The following VPS13D variants were observed in gnomAD, a reference collection of about 807,000 sequenced individuals.
The protein encoded by VPS13D is intermembrane lipid transfer protein VPS13D.
VPS13D carries 187 observed loss-of-function variants against 461.9 expected under a neutral mutation model. The observed-to-expected ratio is 0.40, with a 90% CI of 0.36 to 0.46. The LOEUF (loss-of-function observed/expected upper bound fraction) is 0.46, where lower values mean the gene tolerates loss of function less well. Among genes scored for constraint, VPS13D ranks in the 20% least tolerant of loss-of-function variants. The probability of loss-of-function intolerance (pLI) is 0.60; values close to 1 mark genes in which losing one functional copy is unlikely to be tolerated. For synonymous variants in VPS13D, 1,951 were observed against 1,986.3 expected, an observed-to-expected ratio of 0.98 and a Z score of 0.47; for missense variants, 4,711 against 5,364.9, an observed-to-expected ratio of 0.88 and a Z score of 3.81.
At chr1:12,340,223 G>T (rs558346713) in intron 40 of VPS13D, among the ~76,000 whole-genome samples, 8 of 152,170 alleles carry the variant, frequency 5.3e-5, no homozygotes, top group Non-Finnish European at 7.4e-5. Context: ...GCTAAGTAAG[G>T]CCATTGGGGT....
intron 10 of VPS13D, among the ~76,000 whole-genome samples, chr1:12,259,471 T>C (rs906421416): frequency 3.3e-5 from 5 of 151,936 alleles, no homozygotes; most frequent in Non-Finnish European, 5.9e-5. Context: ...GCCTGGCTAA[T>C]TTTTGTATCA....
chr1:12,359,825 A>G (rs144240170), intron 50 of VPS13D, among the ~76,000 whole-genome samples: 2 of 152,358 alleles, frequency 1.3e-5, no homozygotes, highest in African/African-American at 4.8e-5. Context: ...CTTGCAGCAC[A>G]GGATAGTTAT....
intron 39 of VPS13D, chr1:12,338,020 C>T (rs1052758044): frequency 4.5e-6 from 2 of 440,592 alleles, no homozygotes; most frequent in South Asian, 4.1e-5. Flanking sequence ...TACTTTGATC[C>T]AGCCTCCACA....
rs1383045865 is a variant in VPS13D at position 12,304,525 on chromosome 1, C to G, written c.6236C>G (p.Ser2079Cys). The change falls in exon 26 of 70, where the codon TCC becomes TGC. Residue 2079 changes from serine (S) to cysteine (C), a missense_variant. Coordinates refer to ENST00000620676, the MANE Select transcript of VPS13D (RefSeq NM_015378.4). ...LQDKESVPSA[S>C]PTGIPKHSLR... ...TCCCAGGAATCTGTGCCTTCAGCTT[C>G]CCCAACGGGTATTCCCAAACACAGT... 5 of 1,613,768 alleles carry G rather than the reference C, an allele frequency of 3.1e-6. No individual in the cohort carries two copies. The highest frequency in any genetic ancestry group is 4.2e-6 in the Non-Finnish European group (5 of 1,179,894).
chr1:12,421,848 T>C (rs1445628826), intron 65 of VPS13D, among the ~76,000 whole-genome samples: 1 of 152,110 alleles, frequency 6.6e-6, no homozygotes, highest in Non-Finnish European at 1.5e-5. Flanking sequence ...TTTGAGACAG[T>C]CTCACTCTAT....
At chr1:12,258,905 G>A (rs917574639) in intron 10 of VPS13D, among the ~76,000 whole-genome samples, 3 of 152,256 alleles carry the variant, frequency 2.0e-5, no homozygotes, top group East Asian at 1.9e-4. Flanking sequence ...CTCTCCTGCC[G>A]GCACCCTGAG....
At chr1:12,249,375 G>A in intron 6 of VPS13D, 36 bp downstream of exon 6, 1 of 1,555,260 alleles carries the variant, frequency 6.4e-7, no homozygotes, top group Non-Finnish European at 8.8e-7. Flanking sequence ...CAGGAAGAAA[G>A]CCATGCTCTA....
chr1:12,435,162 T>G (rs536893259), intron 65 of VPS13D, among the ~76,000 whole-genome samples: 1 of 152,240 alleles, frequency 6.6e-6, no homozygotes, highest in East Asian at 1.9e-4. Flanking sequence ...CCAGTTGAAA[T>G]AAGTTTTGAA....
intron 35 of VPS13D, 113 bp from the exon 36 acceptor site, chr1:12,327,535 T>C: frequency 3.0e-6 from 2 of 665,420 alleles, no homozygotes; most frequent in Non-Finnish European, 4.5e-6. Context: ...GGATCAAGGC[T>C]CTCTTGGCTT....
At position 12,273,057 on chromosome 1, in the gene VPS13D, T is replaced by C. The variant is rs1269886467; in HGVS notation, c.2158T>C (p.Phe720Leu). Residue 720 changes from phenylalanine (F) to leucine (L), a missense_variant, in exon 18 of 70, where the codon TTT becomes CTT. Physicochemically the swap from Phe to Leu is conservative, Grantham distance 22 (BLOSUM62 0). This residue lies in a region of VPS13D where 4,411 missense variants were observed against 4,937.8 expected (regional missense o/e 0.89). Transcript: ENST00000620676. ...GGATATTTCTGCCCCTCAGGTGATA[T>C]TTCCTGATGATTTCAAATTCAAGAA... ...RLDISAPQVI[F>L]PDDFKFKNPV... 5 of 1,614,028 alleles carry C rather than the reference T, an allele frequency of 3.1e-6. No individual in the cohort carries two copies. The highest frequency in any genetic ancestry group is 4.2e-6 in the Non-Finnish European group (5 of 1,180,018).
At chr1:12,315,499 C>T (rs890526212) in intron 30 of VPS13D, among the ~76,000 whole-genome samples, 2 of 152,202 alleles carry the variant, frequency 1.3e-5, no homozygotes, top group Non-Finnish European at 2.9e-5. Flanking sequence ...GGCACTTTAG[C>T]TACGCTCAGT....
At chr1:12,394,015 G>A (rs143772718) in intron 60 of VPS13D, among the ~76,000 whole-genome samples, 151 of 152,246 alleles carry the variant, frequency 9.9e-4, no homozygotes, top group African/African-American at 3.4e-3. Flanking sequence ...TCCTGTATCC[G>A]CGAAATGTCT....
At chr1:12,257,214 G>A in intron 9 of VPS13D, 127 bp downstream of exon 9, 1 of 769,406 alleles carries the variant, frequency 1.3e-6, no homozygotes, top group South Asian at 1.7e-5. Flanking sequence ...GATTTTTCTG[G>A]TCCTTGGAAT....
At position 12,415,199 on chromosome 1, in the gene VPS13D, A is replaced by G. The variant is rs1369775501; in HGVS notation, c.12143A>G (p.Asp4048Gly). 2 of 1,614,160 alleles carry G rather than the reference A, an allele frequency of 1.2e-6. No individual in the cohort carries two copies. Among genetic ancestry groups the G allele is most frequent in the Admixed American group, 1.7e-5 (1 of 60,028 alleles). The stretch of plus-strand genomic sequence containing the variant: ...GAGACCAAGGAGTTCATCATCAATG[A>G]TATCCTCAAACATTTCCAGGAGGTG... ...PYETKEFIIN[D>G]ILKHFQEELL... Residue 4048 changes from aspartate to glycine, a missense_variant, in exon 64 of 70, where the codon GAT becomes GGT. By Grantham distance (94) the Asp-to-Gly change is moderately conservative (BLOSUM62 -1). Around this residue, in one of 3 missense-constraint regions of VPS13D, gnomAD observed 4,411 missense variants for 4,937.8 expected, o/e 0.89. Transcript: ENST00000620676.
At chr1:12,459,905 G>A (rs1281750253) in intron 66 of VPS13D, among the ~76,000 whole-genome samples, 1 of 151,328 alleles carries the variant, frequency 6.6e-6, no homozygotes, top group Admixed American at 6.6e-5. Flanking sequence ...CCAAGCTCTG[G>A]GATCGAAAAA....
chr1:12,264,397 G>C (rs1196125594), intron 13 of VPS13D, among the ~76,000 whole-genome samples: 1 of 152,250 alleles, frequency 6.6e-6, no homozygotes, highest in Non-Finnish European at 1.5e-5. Flanking sequence ...TAGGCCACTT[G>C]TGCCAAACAG....
At chr1:12,457,459 G>A (rs1338685427) in intron 66 of VPS13D, among the ~76,000 whole-genome samples, 2 of 152,176 alleles carry the variant, frequency 1.3e-5, no homozygotes, top group African/African-American at 4.8e-5. Flanking sequence ...AATGTGAGGA[G>A]GGGAGAAGGA....
chr1:12,460,481 G>T, intron 67 of VPS13D, 85 bp downstream of exon 67: 1 of 1,250,228 alleles, frequency 8.0e-7, no homozygotes, highest in Non-Finnish European at 1.0e-6. Context: ...GTTTAATTGT[G>T]CACTTTCTTA....
Position 12,291,129 on chromosome 1 carries a change from A to C in VPS13D, c.5852+5A>C. The C allele has an allele frequency of 1.2e-6, 2 of 1,609,998 alleles. No homozygotes were observed. Among genetic ancestry groups the C allele is most frequent in the Non-Finnish European group, 1.7e-6 (2 of 1,178,710 alleles). The stretch of plus-strand genomic sequence containing the variant: ...ACTCATCTTCCAGACTTTTAAGTAA[A>C]AATGTCAATCTTTTTCTGACTTGAT... On this transcript the variant is annotated splice_donor_5th_base_variant and intron_variant, in intron 23 of 69. Transcript: ENST00000620676.
Sources: gnomAD v4.1 joint callset for allele counts (sites outside exome capture counted in the v4.1 genomes callset) on GRCh38, gnomAD v4.1.1 for gene constraint, gnomAD v4.1.1 regional missense constraint, MANE v1.5 for transcripts, NCBI Gene and HGNC (gene_info 2026-07-23, HGNC 2026-07-21) for gene names.